The following EFCAB14 variants were observed in gnomAD, a reference collection of about 807,000 sequenced individuals.
EFCAB14 encodes the protein EF-hand calcium-binding domain-containing protein 14.
In EFCAB14, 43 loss-of-function variants were observed where a neutral mutation model predicts 56.5. That is an observed-to-expected ratio of 0.76 (90% confidence interval 0.60 to 0.98). The LOEUF (loss-of-function observed/expected upper bound fraction) is 0.98. Among genes scored for constraint, EFCAB14 ranks in the 50% least tolerant of loss-of-function variants. The probability of loss-of-function intolerance (pLI) is 0.00; values close to 1 mark genes in which losing one functional copy is unlikely to be tolerated. For synonymous variants in EFCAB14, 235 were observed against 212.9 expected (o/e 1.10, Z -0.90); for missense variants, 538 against 580.3 (o/e 0.93, Z 0.75).
intron 2 of EFCAB14, among the ~76,000 whole-genome samples, chr1:46,712,820 C>T (rs534016879): frequency 5.3e-5 from 8 of 151,382 alleles, no homozygotes; most frequent in African/African-American, 1.7e-4. Flanking sequence ...CCAGCCTGGC[C>T]AACAAGGTGA....
chr1:46,695,540 C>G (rs190069952), intron 4 of EFCAB14, among the ~76,000 whole-genome samples: 1 of 152,206 alleles, frequency 6.6e-6, no homozygotes, highest in Non-Finnish European at 1.5e-5. Flanking sequence ...GACCCTGGCA[C>G]ATAATCTGAC....
At chr1:46,713,715 T>C (rs1475606866) in intron 2 of EFCAB14, among the ~76,000 whole-genome samples, 1 of 152,172 alleles carries the variant, frequency 6.6e-6, no homozygotes, top group East Asian at 1.9e-4. Context: ...AGCACAAGCC[T>C]ATAGCTGAAC....
At position 46,675,873 on chromosome 1, in the gene EFCAB14, G is replaced by A. The variant is rs1255031500; in HGVS notation, c.*2588C>T. The A allele has an allele frequency of 7.2e-5, 11 of 152,204 alleles. No homozygotes were observed. Among genetic ancestry groups the A allele is most frequent in the Non-Finnish European group, 2.9e-5 (2 of 68,036 alleles). 9.4% of individuals were successfully genotyped at this position (152,204 alleles called of 1,614,324 possible). A position where few individuals can be genotyped will look rare whatever the true frequency, so the allele number is the denominator to read the frequency against. ...ATAGTACAAGGCAAAAGAAAACAAGGACCAAGAAGCAGTGCTTTGAGTAAC... is the reference window on the plus strand; with the variant it reads ...ATAGTACAAGGCAAAAGAAAACAAGAACCAAGAAGCAGTGCTTTGAGTAAC... On this transcript the variant is annotated 3_prime_UTR_variant, in exon 11 of 11. Coordinates refer to ENST00000371933, the MANE Select transcript of EFCAB14 (RefSeq NM_014774.3).
chr1:46,713,497 T>A (rs567242246), intron 2 of EFCAB14, among the ~76,000 whole-genome samples: 3 of 152,162 alleles, frequency 2.0e-5, no homozygotes, highest in African/African-American at 7.2e-5. Context: ...GTCTATTATA[T>A]GTACAAGTAC....
At chr1:46,704,509 C>T (rs12038572) in intron 3 of EFCAB14, among the ~76,000 whole-genome samples, 55,914 of 145,928 alleles carry the variant, frequency 0.38, 12,297 homozygotes, top group Non-Finnish European at 0.51. Flanking sequence ...GGTCAGAGAG[C>T]TTGTTTGCCC....
chr1:46,679,082 C>T (rs1415774476), intron 10 of EFCAB14, among the ~76,000 whole-genome samples: 1 of 152,122 alleles, frequency 6.6e-6, no homozygotes, highest in Non-Finnish European at 1.5e-5. Context: ...ATGCAGAGGC[C>T]TAATGAGTTA....
rs1676675529 is a variant in EFCAB14, at chr1:46,675,268, A to G, written c.*3193T>C. The G allele has an allele frequency of 6.6e-6, 1 of 152,636 alleles. No individual in the cohort carries two copies. The highest frequency in any genetic ancestry group is 2.1e-4 in the South Asian group (1 of 4,824). 9.5% of individuals were successfully genotyped at this position (152,636 alleles called of 1,614,324 possible). ...CATGGAAACCCTGAATTCTCCCTAAACAGAACCAAAATTGCTTATACATTA... is the reference window on the plus strand; with the variant it reads ...CATGGAAACCCTGAATTCTCCCTAAGCAGAACCAAAATTGCTTATACATTA... On this transcript the variant is annotated 3_prime_UTR_variant, in exon 11 of 11. Transcript: ENST00000371933.
At position 46,684,495 on chromosome 1, in the gene EFCAB14, A is replaced by G. The variant is rs200699927; in HGVS notation, c.1182T>C (p.Asp394=). ...AGAAGCCGGCTCTGCTCTCACCTTC[A>G]TCGGCGGTCTCTGGAGGCCTGTTGC... The part of the protein sequence containing the change: ...PESNRPPETA[D]EEQVESFTSK... The change falls in exon 9 of 11, where the codon GAT becomes GAC. Residue 394 remains aspartate, a synonymous_variant. Transcript: ENST00000371933. 5.0e-6 allele frequency: 8 copies of G among 1,613,602 alleles called. No individual in the cohort carries two copies. In the East Asian group the frequency reaches 8.9e-5, roughly 18 times the overall value.
chr1:46,700,986 A>AGTGAGTGAGTGTGTGTGTGTGT (rs145670885), intron 3 of EFCAB14, among the ~76,000 whole-genome samples: 1 of 142,844 alleles, frequency 7.0e-6, no homozygotes, highest in African/African-American at 2.6e-5. Context: ...AGAGTGAGTG[A>AGTGAGTGAGTGTGTGTGTGTGT]GTGTGTGTGT....
intron 5 of EFCAB14, among the ~76,000 whole-genome samples, chr1:46,690,212 G>C (rs891079208): frequency 2.6e-5 from 4 of 152,160 alleles, no homozygotes; most frequent in African/African-American, 7.2e-5. Context: ...TTATGTTTGA[G>C]GGTTATCTTT....
chr1:46,698,896 T>C (rs913006133), intron 3 of EFCAB14, among the ~76,000 whole-genome samples: 4 of 152,196 alleles, frequency 2.6e-5, no homozygotes, highest in African/African-American at 9.7e-5. Flanking sequence ...GGAAGACTAC[T>C]ATGGCTGTCA....
intron 4 of EFCAB14, among the ~76,000 whole-genome samples, chr1:46,694,125 C>G (rs1208153689): frequency 6.6e-6 from 1 of 152,158 alleles, no homozygotes; most frequent in African/African-American, 2.4e-5. Context: ...CATAAAAACC[C>G]TAGAAGAAAA....
chr1:46,676,396 A>T lies in EFCAB14; in HGVS notation c.*2065T>A, dbSNP rs1676695465. ...TCTGATGCAAGGGAAAATACACACA[A>T]CAAAGAGTTAAGGTGTCTTCAAAGT... On this transcript the variant is annotated 3_prime_UTR_variant, in exon 11 of 11. Coordinates refer to ENST00000371933, the MANE Select transcript of EFCAB14 (RefSeq NM_014774.3). 1 of 152,534 alleles carries T rather than the reference A, an allele frequency of 6.6e-6. No homozygotes were observed. The highest frequency in any genetic ancestry group is 1.5e-5 in the Non-Finnish European group (1 of 68,042). 9.4% of individuals were successfully genotyped at this position (152,534 alleles called of 1,614,324 possible). A position where few individuals can be genotyped will look rare whatever the true frequency, so the allele number is the denominator to read the frequency against.
chr1:46,688,588 A>C, intron 6 of EFCAB14, 44 bp from the exon 7 acceptor site: 1 of 1,559,602 alleles, frequency 6.4e-7, no homozygotes, highest in East Asian at 2.3e-5. Flanking sequence ...CTAAAGACGT[A>C]AATTAGACAA....
At chr1:46,689,830 C>G in intron 5 of EFCAB14, 139 bp from the exon 6 acceptor site, 1 of 727,818 alleles carries the variant, frequency 1.4e-6, no homozygotes, top group Non-Finnish European at 2.3e-6. Flanking sequence ...AGGGAATGTA[C>G]AGGCTAACCA....
intron 4 of EFCAB14, among the ~76,000 whole-genome samples, chr1:46,695,328 C>T (rs979317286): frequency 6.6e-6 from 1 of 152,138 alleles, no homozygotes; most frequent in African/African-American, 2.4e-5. Context: ...CTAGGAACAA[C>T]GGCAAGAATC....
At chr1:46,683,516 T>C in intron 9 of EFCAB14, 91 bp from the exon 10 acceptor site, 1 of 1,314,574 alleles carries the variant, frequency 7.6e-7, no homozygotes, top group Non-Finnish European at 1.0e-6. Flanking sequence ...GAAAATTGGA[T>C]ATACAATTAA....
intron 8 of EFCAB14, among the ~76,000 whole-genome samples, chr1:46,686,169 T>C (rs760981696): frequency 1.3e-5 from 2 of 152,186 alleles, no homozygotes; most frequent in African/African-American, 4.8e-5. Flanking sequence ...CTTTCTTTCC[T>C]GGAATATCAA....
intron 5 of EFCAB14, 92 bp downstream of exon 5, chr1:46,691,735 C>G (rs934014640): frequency 3.8e-6 from 3 of 796,820 alleles, no homozygotes; most frequent in Non-Finnish European, 6.2e-6. Flanking sequence ...AGATGCATAG[C>G]AGGGCCTTTT....
Sources: allele counts gnomAD v4.1 joint callset (sites outside exome capture counted in the v4.1 genomes callset), GRCh38; gene constraint gnomAD v4.1.1; transcripts MANE v1.5; gene names NCBI Gene and HGNC (gene_info 2026-07-23, HGNC 2026-07-21).